The following DPP6 variants were observed in gnomAD, a reference collection of about 807,000 sequenced individuals.
DPP6 encodes the protein dipeptidyl peptidase like 6.
Under a neutral mutation model 122.6 loss-of-function variants are expected in DPP6, and 69 were observed. The ratio of observed to expected loss-of-function variants is 0.56; its 90% CI spans 0.46 to 0.69. DPP6 has a LOEUF of 0.69. Ranked by LOEUF, DPP6 falls within the 30% of genes least tolerant of loss-of-function variation. The pLI is 0.00. For missense variants in DPP6, 928 were observed against 1,116.9 expected, an observed-to-expected ratio of 0.83 and a Z score of 2.41; for synonymous variants, 418 against 433.1, an observed-to-expected ratio of 0.97 and a Z score of 0.43.
chr7:154,853,388 A>G (rs1487325398), intron 16 of DPP6, among the ~76,000 whole-genome samples: 3 of 152,280 alleles, frequency 2.0e-5, no homozygotes, highest in South Asian at 2.1e-4. Context: ...TGGAGGAGCC[A>G]GCAGACTTAG....
rs955626759 is a variant in DPP6 at position 154,481,091 on chromosome 7, G to A, written c.457+6054G>A. Among the ~76,000 whole-genome samples, 1 of 152,086 alleles carries A rather than the reference G, an allele frequency of 6.6e-6. No homozygotes were observed. The highest frequency in any genetic ancestry group is 1.5e-5 in the Non-Finnish European group (1 of 68,026). On this transcript the variant is annotated intron_variant, in intron 3 of 25. Coordinates refer to ENST00000377770, the MANE Select transcript of DPP6 (RefSeq NM_130797.4). This position sits in a 1 kb window ranked among gnomAD's most constrained non-coding sequence, Gnocchi z 4.2. ...AAGCCCAGCAGCAGCAGGAAGGACCGAGGCTCTACTCCGGCACCTCAGGTA... is the reference window on the plus strand; with the variant it reads ...AAGCCCAGCAGCAGCAGGAAGGACCAAGGCTCTACTCCGGCACCTCAGGTA...
intron 1 of DPP6, among the ~76,000 whole-genome samples, chr7:154,430,353 G>A (rs895677786): frequency 6.6e-6 from 1 of 152,202 alleles, no homozygotes. Context: ...AGACTGCACA[G>A]CTTAAGCAGC....
intron 7 of DPP6, among the ~76,000 whole-genome samples, chr7:154,706,701 C>T (rs536469453): frequency 4.3e-4 from 66 of 152,330 alleles, no homozygotes; most frequent in Non-Finnish European, 6.3e-4. Flanking sequence ...ACACTGAACA[C>T]GTACTATCAA....
At chr7:154,725,220 T>C (rs1842008124) in intron 7 of DPP6, among the ~76,000 whole-genome samples, 1 of 152,206 alleles carries the variant, frequency 6.6e-6, no homozygotes, top group Non-Finnish European at 1.5e-5. Context: ...AGAACTACAG[T>C]GTCCCAGCCC....
intron 10 of DPP6, among the ~76,000 whole-genome samples, chr7:154,788,457 A>T (rs1012034666): frequency 6.6e-6 from 1 of 152,114 alleles, no homozygotes; most frequent in African/African-American, 2.4e-5. Flanking sequence ...AAAAAAAAAA[A>T]AGTAGAAGAT....
chr7:154,584,099 G>A lies in DPP6; in HGVS notation c.627+17183G>A, dbSNP rs560692551. On this transcript the variant is annotated intron_variant, in intron 5 of 25. Coordinates refer to ENST00000377770, the MANE Select transcript of DPP6 (RefSeq NM_130797.4). The stretch of plus-strand genomic sequence containing the variant: ...AGGGCCTCTTTGCCTCAGCCTCCCC[G>A]CCCCACACTTCTTCAATCTGTGCTG... Among the ~76,000 whole-genome samples, 11 of 152,148 alleles carry A rather than the reference G, an allele frequency of 7.2e-5. No homozygotes were observed. In the South Asian group the frequency reaches 8.3e-4, roughly 11 times the overall value.
intron 5 of DPP6, among the ~76,000 whole-genome samples, chr7:154,571,977 G>C (rs1366935176): frequency 6.6e-6 from 1 of 152,138 alleles, no homozygotes; most frequent in East Asian, 1.9e-4. Context: ...TGACATCCGG[G>C]CTGCAGTTGC....
chr7:154,714,003 A>G (rs939963632), intron 7 of DPP6, among the ~76,000 whole-genome samples: 1 of 152,148 alleles, frequency 6.6e-6, no homozygotes, highest in African/African-American at 2.4e-5. Context: ...ATTTCTCTCA[A>G]ATTTGAAGTT....
chr7:154,534,720 C>T (rs1157116359), intron 3 of DPP6, among the ~76,000 whole-genome samples: 1 of 152,042 alleles, frequency 6.6e-6, no homozygotes, highest in Admixed American at 6.6e-5. Context: ...TAAGAACGAT[C>T]TAAACAATTA....
At chr7:154,568,713 C>T (rs558373457) in intron 5 of DPP6, among the ~76,000 whole-genome samples, 1 of 152,210 alleles carries the variant, frequency 6.6e-6, no homozygotes, top group East Asian at 1.9e-4. Context: ...TAAACAGGAA[C>T]CTTGAAATAA....
chr7:154,582,639 A>G (rs1001909350), intron 5 of DPP6, among the ~76,000 whole-genome samples: 5 of 152,246 alleles, frequency 3.3e-5, no homozygotes, highest in Admixed American at 2.6e-4. Context: ...CCACTGGACC[A>G]TAAGCATTTC....
intron 1 of DPP6, chr7:154,026,870 G>C (rs892306571): frequency 5.3e-5 from 8 of 152,046 alleles, no homozygotes; most frequent in African/African-American, 1.9e-4. Context: ...CAATGAATTC[G>C]GTAATATTCT....
chr7:153,908,613 A>G (rs757940365), intron 1 of DPP6, among the ~76,000 whole-genome samples: 1 of 152,200 alleles, frequency 6.6e-6, no homozygotes, highest in Non-Finnish European at 1.5e-5. Context: ...TATTAATTCA[A>G]TGTATTTCAA....
intron 1 of DPP6, among the ~76,000 whole-genome samples, chr7:154,015,092 G>C (rs3864490): frequency 1.3e-5 from 2 of 151,812 alleles, no homozygotes; most frequent in East Asian, 3.9e-4. Context: ...TATTGGTGGT[G>C]GTTCTCAAAC....
intron 1 of DPP6, among the ~76,000 whole-genome samples, chr7:154,127,597 TCACACACACACACACACACA>T (rs71182879): frequency 7.3e-6 from 1 of 136,742 alleles, no homozygotes; most frequent in Non-Finnish European, 1.5e-5. Context: ...GAGCAGCATC[TCACACACACACACACACACA>T]CACACACACA....
At chr7:153,992,252 A>G (rs1797215161) in intron 1 of DPP6, among the ~76,000 whole-genome samples, 1 of 152,272 alleles carries the variant, frequency 6.6e-6, no homozygotes, top group South Asian at 2.1e-4. Flanking sequence ...TTCATTTGCA[A>G]TTGTCTTTTA....
At chr7:154,890,402 C>T (rs1485200094) in intron 25 of DPP6, 2 of 152,240 alleles carry the variant, frequency 1.3e-5, no homozygotes. Context: ...GGAGTTGGAC[C>T]CCAGTGTGGA....
intron 1 of DPP6, among the ~76,000 whole-genome samples, chr7:154,020,749 TG>T (rs141748704): frequency 2.0e-5 from 3 of 151,994 alleles, no homozygotes; most frequent in Non-Finnish European, 4.4e-5. Flanking sequence ...ATGTAACACA[TG>T]GGGCAAGTGC....
intron 2 of DPP6, among the ~76,000 whole-genome samples, chr7:154,472,630 G>A (rs779104371): frequency 5.9e-5 from 9 of 152,164 alleles, no homozygotes; most frequent in Non-Finnish European, 1.2e-4. Flanking sequence ...ATGGTTTGTG[G>A]AATGTGGCAG....
Sources: allele counts gnomAD v4.1 joint callset (sites outside exome capture counted in the v4.1 genomes callset), GRCh38; gene constraint gnomAD v4.1.1; non-coding constraint Gnocchi (gnomAD v3.1); transcripts MANE v1.5; gene names NCBI Gene and HGNC (gene_info 2026-07-23, HGNC 2026-07-21).